Variants in CPSF4 observed in about 807,000 individuals in gnomAD.
The protein encoded by CPSF4 is cleavage and polyadenylation specific factor 4.
Under a neutral mutation model 37.7 loss-of-function variants are expected in CPSF4, and 11 were observed. The observed-to-expected ratio is 0.29, with a 90% CI of 0.18 to 0.48. The LOEUF (loss-of-function observed/expected upper bound fraction) is 0.48, where lower values mean the gene tolerates loss of function less well. Among genes scored for constraint, CPSF4 ranks in the 20% least tolerant of loss-of-function variants. The pLI, the probability that CPSF4 is intolerant of heterozygous loss-of-function variation, is 0.99. For synonymous variants in CPSF4, 132 were observed against 135.9 expected (o/e 0.97, Z 0.20); for missense variants, 144 against 359.5 (o/e 0.40, Z 4.85).
Position 99,450,381 on chromosome 7 carries a change from A to C in CPSF4, c.403+10A>C. On this transcript the variant is annotated intron_variant, in intron 4 of 7. Coordinates refer to ENST00000292476, the MANE Select transcript of CPSF4 (RefSeq NM_006693.4). ...GGCTTCTGCAAGCACGGTAGGTGCCAGGGTGGGCTGGGCCCCGGGCAAGAA... is the reference window on the plus strand; with the variant it reads ...GGCTTCTGCAAGCACGGTAGGTGCCCGGGTGGGCTGGGCCCCGGGCAAGAA... 6.3e-7 allele frequency: 1 copy of C among 1,598,790 alleles called. No homozygotes were observed.
Position 99,448,369 on chromosome 7 carries a change from C to A in CPSF4, c.307+96C>A. 7.4e-7 allele frequency: 1 copy of A among 1,355,720 alleles called. No individual in the cohort carries two copies. 84.0% of individuals were successfully genotyped at this position (1,355,720 alleles called of 1,614,324 possible). ...CCCACACTGTCTCTGCCTGCTTTTC[C>A]CATCTTTCTATTCTCAGAGGAGAAC... On this transcript the variant is annotated intron_variant, in intron 3 of 7. Coordinates refer to ENST00000292476, the MANE Select transcript of CPSF4 (RefSeq NM_006693.4). The surrounding 1 kb of genome is among the most constrained non-coding windows in gnomAD (Gnocchi z 4.4).
chr7:99,456,365 T>C (rs1179302198), intron 7 of CPSF4, 67 bp from the exon 8 acceptor site: 1 of 1,480,212 alleles, frequency 6.8e-7, no homozygotes, highest in East Asian at 2.3e-5. Context: ...ACTCCCTTAG[T>C]TGAAAACTGC....
rs774402635 is a variant in CPSF4, at chr7:99,448,248, C to T, written c.282C>T (p.Pro94=). Residue 94 remains proline (P), a synonymous_variant, in exon 3 of 8, where the codon CCC becomes CCT. Transcript: ENST00000292476. This position sits in a 1 kb window ranked among gnomAD's most constrained non-coding sequence, Gnocchi z 4.4. ...ATGAGTATGACATGACCAAGATGCCCGAGTGCTACTTCTACTCCAAGTTCG... is the reference window on the plus strand; with the variant it reads ...ATGAGTATGACATGACCAAGATGCCTGAGTGCTACTTCTACTCCAAGTTCG... ...FLHEYDMTKM[P]ECYFYSKFGE... 3.7e-6 allele frequency: 6 copies of T among 1,614,008 alleles called. No homozygotes were observed. Among genetic ancestry groups the T allele is most frequent in the South Asian group, 2.2e-5 (2 of 91,084 alleles).
At chr7:99,442,903 C>T in intron 1 of CPSF4, 1 of 1,356,542 alleles carries the variant, frequency 7.4e-7, no homozygotes. Flanking sequence ...CCAAAGCGCT[C>T]TGCTCTTTTC....
chr7:99,452,522 G>A, intron 6 of CPSF4, 82 bp downstream of exon 6: 1 of 1,270,748 alleles, frequency 7.9e-7, no homozygotes. Flanking sequence ...GGTGTGGTCT[G>A]CCTTAGACCC....
chr7:99,449,324 C>T (rs1797775365), intron 3 of CPSF4: 1 of 152,334 alleles, frequency 6.6e-6, no homozygotes, highest in African/African-American at 2.4e-5. Flanking sequence ...TTCCCAGCTC[C>T]CCAAGTGCTG....
intron 2 of CPSF4, among the ~76,000 whole-genome samples, chr7:99,445,372 C>T (rs1584494505): frequency 6.6e-6 from 1 of 152,212 alleles, no homozygotes; most frequent in East Asian, 1.9e-4. Context: ...CGAGATCGTG[C>T]CATTGCACTC....
In CPSF4 at chr7:99,448,459, C is replaced by CTTTTT. The variant is rs557905583; in HGVS notation, c.307+203_307+207dup. 9.3e-6 allele frequency: 3 copies of CTTTTT among 321,054 alleles called. No individual in the cohort carries two copies. Among genetic ancestry groups the CTTTTT allele is most frequent in the South Asian group, 3.8e-5 (1 of 25,984 alleles). The allele number at this position is 321,054 out of a possible 1,614,324, so 19.9% of individuals were successfully genotyped here. A position where few individuals can be genotyped will look rare whatever the true frequency, so the allele number is the denominator to read the frequency against. On this transcript the variant is annotated intron_variant, in intron 3 of 7. Transcript: ENST00000292476. The surrounding 1 kb of genome is among the most constrained non-coding windows in gnomAD (Gnocchi z 4.4). ...CAGTGTGGCTATTTTCTGCTCATCTCTTTTTTTTTTTTTTTTTTTTTAAAG... is the reference window on the plus strand; with the variant it reads ...CAGTGTGGCTATTTTCTGCTCATCTCTTTTTTTTTTTTTTTTTTTTTTTTTTAAAG...
chr7:99,439,121 T>A lies in CPSF4; in HGVS notation c.39T>A (p.Phe13Leu). 2 of 1,611,734 alleles carry A rather than the reference T, an allele frequency of 1.2e-6. No homozygotes were observed. The highest frequency in any genetic ancestry group is 2.7e-5 in the African/African-American group (2 of 74,960). The change falls in exon 1 of 8, where the codon TTT becomes TTA. Residue 13 changes from phenylalanine to leucine, a missense_variant. Phe to Leu is a conservative substitution (Grantham distance 22, BLOSUM62 0). This residue lies in a region of CPSF4 where 42 missense variants were observed against 86.4 expected (regional missense o/e 0.49). Transcript: ENST00000292476. ...TCGCCAGCGTGGACCACATCAAGTT[T>A]GACTTGGAGATCGCGGTGGAGCAGC... ...EIIASVDHIK[F>L]DLEIAVEQQL...
intron 2 of CPSF4, among the ~76,000 whole-genome samples, chr7:99,446,766 C>A (rs542669908): frequency 6.3e-4 from 77 of 121,452 alleles, no homozygotes; most frequent in Non-Finnish European, 9.5e-4. Context: ...CACCACCATA[C>A]CCAGCTTTTT....
chr7:99,450,693 G>GCTCTGCAGGTCCC lies in CPSF4; in HGVS notation c.405_417dup. 4 of 1,607,604 alleles carry GCTCTGCAGGTCCC rather than the reference G, an allele frequency of 2.5e-6. No individual in the cohort carries two copies. Among genetic ancestry groups the GCTCTGCAGGTCCC allele is most frequent in the Non-Finnish European group, 3.4e-6 (4 of 1,174,224 alleles). ...GGACATCTAAGTGACCGGACACTTG[G>GCTCTGCAGGTCCC]CTCTGCAGGTCCCCTCTGCAGGCAC... On this transcript the variant is annotated splice_polypyrimidine_tract_variant and intron_variant, in intron 4 of 7. Coordinates refer to ENST00000292476, the MANE Select transcript of CPSF4 (RefSeq NM_006693.4).
At chr7:99,444,716 C>G in intron 1 of CPSF4, 73 bp from the exon 2 acceptor site, 1 of 1,438,700 alleles carries the variant, frequency 7.0e-7, no homozygotes, top group African/African-American at 1.4e-5. Context: ...AGGGTTCCCT[C>G]CCACTGTCTT....
rs1798116739 is a variant in CPSF4 at position 99,453,970 on chromosome 7, G to C, written c.575G>C (p.Ser192Thr). 1.9e-6 allele frequency: 3 copies of C among 1,613,804 alleles called. No homozygotes were observed. The East Asian group carries it at 6.7e-5, about 36-fold the overall frequency. Residue 192 changes from serine (S) to threonine (T), a missense_variant, in exon 7 of 8, where the codon AGT becomes ACT. By Grantham distance (58) the Ser-to-Thr change is moderately conservative (BLOSUM62 1). Coordinates refer to ENST00000292476, the MANE Select transcript of CPSF4 (RefSeq NM_006693.4). This position sits in a 1 kb window ranked among gnomAD's most constrained non-coding sequence, Gnocchi z 4.7. The part of the protein sequence containing the change: ...PQQTQPPAKQ[S>T]NNPPLQRSSS... ...GTGTTGTGTAACTCTTTCCAGCAAA[G>C]TAACAATCCGCCATTACAAAGGTCG...
chr7:99,456,380 G>C, intron 7 of CPSF4, 52 bp from the exon 8 acceptor site: 2 of 1,550,400 alleles, frequency 1.3e-6, no homozygotes, highest in Non-Finnish European at 1.8e-6. Flanking sequence ...AACTGCATTT[G>C]AACAGTGTTG....
intron 2 of CPSF4, among the ~76,000 whole-genome samples, chr7:99,446,557 C>T (rs1797510080): frequency 6.6e-6 from 1 of 151,960 alleles, no homozygotes; most frequent in Non-Finnish European, 1.5e-5. Context: ...GGACACGTCC[C>T]TCCATGTGTA....
chr7:99,444,903 A>G (rs1797352146), intron 2 of CPSF4, 64 bp downstream of exon 2: 17 of 1,412,120 alleles, frequency 1.2e-5, no homozygotes, highest in Non-Finnish European at 1.7e-5. Flanking sequence ...TCTCCCCGGC[A>G]GACTTGGAGG....
rs754931112 is a variant in CPSF4 at position 99,450,385 on chromosome 7, T to G, written c.403+14T>G. 2 of 1,588,260 alleles carry G rather than the reference T, an allele frequency of 1.3e-6. No homozygotes were observed. The highest frequency in any genetic ancestry group is 3.4e-5 in the Admixed American group (2 of 59,606). ...TCTGCAAGCACGGTAGGTGCCAGGGTGGGCTGGGCCCCGGGCAAGAAGCCA... is the reference window on the plus strand; with the variant it reads ...TCTGCAAGCACGGTAGGTGCCAGGGGGGGCTGGGCCCCGGGCAAGAAGCCA... On this transcript the variant is annotated intron_variant, in intron 4 of 7. Coordinates refer to ENST00000292476, the MANE Select transcript of CPSF4 (RefSeq NM_006693.4).
chr7:99,444,390 G>C (rs1449840944), intron 1 of CPSF4, among the ~76,000 whole-genome samples: 1 of 152,054 alleles, frequency 6.6e-6, no homozygotes, highest in Non-Finnish European at 1.5e-5. Context: ...CTGGGAGGCA[G>C]AGATTGCAGT....
At position 99,448,358 on chromosome 7, in the gene CPSF4, G is replaced by A; in HGVS notation, c.307+85G>A. ...GCTGCTCAGTGCCCACACTGTCTCT[G>A]CCTGCTTTTCCCATCTTTCTATTCT... On this transcript the variant is annotated intron_variant, in intron 3 of 7. Transcript: ENST00000292476. The surrounding 1 kb of genome is among the most constrained non-coding windows in gnomAD (Gnocchi z 4.4). The A allele has an allele frequency of 5.6e-6, 8 of 1,423,018 alleles. No individual in the cohort carries two copies. Among genetic ancestry groups the A allele is most frequent in the Non-Finnish European group, 5.7e-6 (6 of 1,052,694 alleles). The allele number at this position is 1,423,018 out of a possible 1,614,324, so 88.1% of individuals were successfully genotyped here. A position where few individuals can be genotyped will look rare whatever the true frequency, so the allele number is the denominator to read the frequency against.
Sources: gnomAD v4.1 joint callset for allele counts (sites outside exome capture counted in the v4.1 genomes callset) on GRCh38, gnomAD v4.1.1 for gene constraint, gnomAD v4.1.1 regional missense constraint, Gnocchi (gnomAD v3.1) non-coding constraint, MANE v1.5 for transcripts, NCBI Gene and HGNC (gene_info 2026-07-23, HGNC 2026-07-21) for gene names.